Variants in EBF1 observed in about 807,000 individuals in gnomAD.
The protein encoded by EBF1 is EBF transcription factor 1.
Under a neutral mutation model 68.4 loss-of-function variants are expected in EBF1, and 10 were observed. That is an observed-to-expected ratio of 0.15 (90% CI 0.09 to 0.25). The LOEUF is 0.25. Among genes scored for constraint, EBF1 ranks in the 10% least tolerant of loss-of-function variants. EBF1 has a pLI of 1.00. For synonymous variants in EBF1, 298 were observed against 299.8 expected (o/e 0.99, Z 0.06); for missense variants, 509 against 794.4 (o/e 0.64, Z 4.32).
intron 6 of EBF1, among the ~76,000 whole-genome samples, chr5:159,025,834 G>T (rs984274468): frequency 3.3e-5 from 5 of 152,176 alleles, no homozygotes; most frequent in African/African-American, 1.2e-4. Flanking sequence ...CTGAATAGGA[G>T]GAATAAGTTT....
chr5:158,713,238 T>A, intron 12 of EBF1, 91 bp from the exon 13 acceptor site: 1 of 1,154,040 alleles, frequency 8.7e-7, no homozygotes, highest in Non-Finnish European at 1.1e-6. Flanking sequence ...TGCTCAGGGT[T>A]TTCAATGGTC....
At chr5:158,808,274 C>A (rs990612861) in intron 8 of EBF1, among the ~76,000 whole-genome samples, 1 of 152,156 alleles carries the variant, frequency 6.6e-6, no homozygotes, top group African/African-American at 2.4e-5. Flanking sequence ...GCTGTTCTGT[C>A]TGGACATCAA....
chr5:158,846,857 C>A (rs1458959885), intron 6 of EBF1, among the ~76,000 whole-genome samples: 1 of 152,074 alleles, frequency 6.6e-6, no homozygotes, highest in Non-Finnish European at 1.5e-5. Flanking sequence ...TGAGAGAGAC[C>A]CTCTTTGACT....
chr5:158,979,708 G>A (rs1757519888), intron 6 of EBF1, among the ~76,000 whole-genome samples: 2 of 151,990 alleles, frequency 1.3e-5, no homozygotes, highest in Admixed American at 6.6e-5. Context: ...AGGATACTGG[G>A]AAATTCAACT....
At chr5:158,768,919 C>A (rs757822440) in intron 10 of EBF1, among the ~76,000 whole-genome samples, 4 of 152,132 alleles carry the variant, frequency 2.6e-5, no homozygotes, top group Non-Finnish European at 5.9e-5. Flanking sequence ...AAAACCAAAT[C>A]ATGTTATATC....
chr5:159,027,308 C>A (rs1339718125), intron 6 of EBF1, among the ~76,000 whole-genome samples: 1 of 152,098 alleles, frequency 6.6e-6, no homozygotes, highest in Non-Finnish European at 1.5e-5. Flanking sequence ...CAAGACCAGG[C>A]CTCAACCCCA....
chr5:158,849,706 A>C (rs1792249075), intron 6 of EBF1, among the ~76,000 whole-genome samples: 1 of 152,236 alleles, frequency 6.6e-6, no homozygotes, highest in African/African-American at 2.4e-5. Flanking sequence ...TATTAATGGC[A>C]GTTAGCTTTG....
At chr5:158,739,704 C>T (rs896926307) in intron 10 of EBF1, among the ~76,000 whole-genome samples, 1 of 152,218 alleles carries the variant, frequency 6.6e-6, no homozygotes, top group African/African-American at 2.4e-5. Context: ...CTCTTCCCTA[C>T]TGGCATAGTT....
chr5:158,758,101 T>A (rs1770541000), intron 10 of EBF1, among the ~76,000 whole-genome samples: 1 of 152,202 alleles, frequency 6.6e-6, no homozygotes, highest in Non-Finnish European at 1.5e-5. Flanking sequence ...CACAACAAAC[T>A]AGTGAAGAAG....
intron 6 of EBF1, among the ~76,000 whole-genome samples, chr5:159,044,353 G>A (rs1447492432): frequency 6.6e-6 from 1 of 152,058 alleles, no homozygotes; most frequent in African/African-American, 2.4e-5. Context: ...GGTGTTGTGG[G>A]GGTTGTCGCT....
In EBF1 at chr5:158,696,330, A is replaced by G. The variant is rs1755750553; in HGVS notation, c.*2781T>C. On this transcript the variant is annotated 3_prime_UTR_variant, in exon 16 of 16. Transcript: ENST00000313708. ...GATCAGAGGGCCAGAATGTCTTTTC[A>G]TCTAATCAATAGAAATAGAAGCAAC... 5 of 221,370 alleles carry G rather than the reference A, an allele frequency of 2.3e-5. No homozygotes were observed. The East Asian group carries it at 3.3e-4, about 15-fold the overall frequency. 13.7% of individuals were successfully genotyped at this position (221,370 alleles called of 1,614,324 possible). A position where few individuals can be genotyped will look rare whatever the true frequency, so the allele number is the denominator to read the frequency against.
rs768408460 is a variant in EBF1 at position 158,712,282 on chromosome 5, G to A, written c.1421C>T (p.Thr474Ile). Residue 474 changes from threonine (T) to isoleucine (I), a missense_variant, in exon 14 of 16, where the codon ACC becomes ATC. Thr to Ile is a moderately conservative substitution (Grantham distance 89). Transcript: ENST00000313708. Reference protein sequence around the residue: ...SVSPHGYVPSTTPQQTNYNSV... With the variant: ...SVSPHGYVPSITPQQTNYNSV... ...GTTATAGTTGGTCTGCTGGGGAGTG[G>A]TGCTCGGCACGTACCCGTGTGGTGA... 6.2e-7 allele frequency: 1 copy of A among 1,614,114 alleles called. No individual in the cohort carries two copies. Among genetic ancestry groups the A allele is most frequent in the Non-Finnish European group, 8.5e-7 (1 of 1,180,004 alleles).
intron 6 of EBF1, among the ~76,000 whole-genome samples, chr5:158,984,331 C>G (rs888648472): frequency 6.6e-6 from 1 of 152,162 alleles, no homozygotes; most frequent in African/African-American, 2.4e-5. Flanking sequence ...GTCTCTTGTT[C>G]AACGACCTGA....
At chr5:158,890,189 CTG>C (rs1800901970) in intron 6 of EBF1, among the ~76,000 whole-genome samples, 1 of 152,132 alleles carries the variant, frequency 6.6e-6, no homozygotes, top group African/African-American at 2.4e-5. Flanking sequence ...AAAGCTAAAA[CTG>C]TCACACAGGG....
At chr5:158,837,969 C>T (rs1403503917) in intron 7 of EBF1, among the ~76,000 whole-genome samples, 1 of 152,156 alleles carries the variant, frequency 6.6e-6, no homozygotes, top group Non-Finnish European at 1.5e-5. Flanking sequence ...ACAGTTTATT[C>T]CAAAATTCAG....
At chr5:159,051,416 C>T (rs1351095242) in intron 6 of EBF1, among the ~76,000 whole-genome samples, 1 of 132,896 alleles carries the variant, frequency 7.5e-6, no homozygotes, top group Non-Finnish European at 1.6e-5. Flanking sequence ...CTCCCCCTCC[C>T]CCCCGCTCCC....
Position 159,095,633 on chromosome 5 carries a change from G to C in EBF1, c.398C>G (p.Ser133Cys). 1 of 1,613,994 alleles carries C rather than the reference G, an allele frequency of 6.2e-7. No homozygotes were observed. The highest frequency in any genetic ancestry group is 1.1e-5 in the South Asian group (1 of 91,078). The change falls in exon 4 of 16, where the codon TCC becomes TGC. Residue 133 changes from serine to cysteine, a missense_variant. By Grantham distance (112) the Ser-to-Cys change is moderately radical. This residue lies in a region of EBF1 where 230 missense variants were observed against 467.7 expected (regional missense o/e 0.49). Coordinates refer to ENST00000313708, the MANE Select transcript of EBF1 (RefSeq NM_024007.5). The part of the protein sequence containing the change: ...EQDFYVRLID[S>C]MTKQAIVYEG... ...CAAGAAACTTACTTGTTTTGTCATG[G>C]AGTCAATGAGGCGCACGTAGAAATC...
rs752733704 is a variant in EBF1, at chr5:159,096,301, C to T, written c.355+42G>A. On this transcript the variant is annotated intron_variant, in intron 3 of 15. Transcript: ENST00000313708. ...GCTCCCTGCGCCCCCTGCCCAGACC[C>T]GGAGCCCCAGGGTGAGGCCATAGAC... 15 of 1,597,522 alleles carry T rather than the reference C, an allele frequency of 9.4e-6. No individual in the cohort carries two copies. In the East Asian group the frequency reaches 1.6e-4, roughly 17 times the overall value.
intron 6 of EBF1, among the ~76,000 whole-genome samples, chr5:158,883,318 G>GTGTATATATATACACACACATACATGCA (rs1554181488): frequency 0.026 from 3,829 of 146,704 alleles, 88 homozygotes; most frequent in Non-Finnish European, 0.042. Flanking sequence ...ATACATACAT[G>GTGTATATATATACACACACATACATGCA]TGTATATATA....
Sources: allele counts gnomAD v4.1 joint callset (sites outside exome capture counted in the v4.1 genomes callset), GRCh38; gene constraint gnomAD v4.1.1; regional missense constraint gnomAD v4.1.1; transcripts MANE v1.5; gene names NCBI Gene and HGNC (gene_info 2026-07-23, HGNC 2026-07-21).